Variants in PRKN observed in about 807,000 individuals in gnomAD.
PRKN encodes the protein parkin RBR E3 ubiquitin protein ligase.
A neutral mutation model predicts 59.5 loss-of-function variants in PRKN; 56 were observed. The observed-to-expected ratio is 0.94, with a 90% CI of 0.76 to 1.18. The LOEUF (loss-of-function observed/expected upper bound fraction) is 1.18, where lower values mean the gene tolerates loss of function less well. Among genes scored for constraint, PRKN ranks in the 50% most tolerant of loss-of-function variants. PRKN has a pLI of 0.00. For synonymous variants in PRKN, 250 were observed against 222.1 expected, an observed-to-expected ratio of 1.13 and a Z score of -1.12; for missense variants, 657 against 596.4, an observed-to-expected ratio of 1.10 and a Z score of -1.06.
intron 6 of PRKN, among the ~76,000 whole-genome samples, chr6:161,878,845 C>G (rs1794827358): frequency 6.6e-6 from 1 of 152,152 alleles, no homozygotes; most frequent in Non-Finnish European, 1.5e-5. Context: ...GATATGGATG[C>G]ATTTCTAATA....
chr6:162,271,016 GT>G (rs61368267), intron 2 of PRKN, among the ~76,000 whole-genome samples: 137 of 108,232 alleles, frequency 1.3e-3, no homozygotes, highest in Middle Eastern at 0.014. Context: ...TAATTTTCTA[GT>G]TTTTTTTTTT....
In PRKN at chr6:161,608,198, AT is replaced by A. The variant is rs528274840; in HGVS notation, c.872-38783del. Among the ~76,000 whole-genome samples the A allele has an allele frequency of 1.8e-4, 28 of 152,202 alleles. No homozygotes were observed. In the South Asian group the frequency reaches 5.8e-3, roughly 32 times the overall value. ...AAAATTGGGGAGAAAATGATATGTG[AT>A]TTTTCGTGATTATACTAAGAGATTT... On this transcript the variant is annotated intron_variant, in intron 7 of 11. Coordinates refer to ENST00000366898, the MANE Select transcript of PRKN (RefSeq NM_004562.3).
At chr6:162,403,244 C>T (rs1036496144) in intron 2 of PRKN, among the ~76,000 whole-genome samples, 1 of 152,090 alleles carries the variant, frequency 6.6e-6, no homozygotes, top group Non-Finnish European at 1.5e-5. Context: ...CTCACTCTGG[C>T]CTCCAGCCTC....
intron 1 of PRKN, among the ~76,000 whole-genome samples, chr6:162,483,098 A>C (rs929551616): frequency 1.3e-5 from 2 of 152,214 alleles, no homozygotes; most frequent in Non-Finnish European, 2.9e-5. Context: ...TATGCTACTC[A>C]AAGTGTAAAA....
In PRKN at chr6:162,301,788, G is replaced by A. The variant is rs58515500; in HGVS notation, c.172-39023C>T. Among the ~76,000 whole-genome samples the A allele has an allele frequency of 3.3e-4, 38 of 113,908 alleles. 3 individuals carry two copies. The highest frequency in any genetic ancestry group is 4.4e-4 in the Non-Finnish European group (24 of 54,200). 74.7% of individuals were successfully genotyped at this position (113,908 alleles called of 152,430 possible). On this transcript the variant is annotated intron_variant, in intron 2 of 11. Coordinates refer to ENST00000366898, the MANE Select transcript of PRKN (RefSeq NM_004562.3). ...AGCAAATAAATTGGCCGGGGCGGGGGGGGGGTGCAGAATTCACTTTCCCTG... is the reference window on the plus strand; with the variant it reads ...AGCAAATAAATTGGCCGGGGCGGGGAGGGGGTGCAGAATTCACTTTCCCTG...
At chr6:161,931,816 C>T (rs551770379) in intron 6 of PRKN, among the ~76,000 whole-genome samples, 17 of 152,244 alleles carry the variant, frequency 1.1e-4, no homozygotes, top group Admixed American at 7.2e-4. Flanking sequence ...AAGATTTTAA[C>T]TATGGTTATC....
intron 10 of PRKN, among the ~76,000 whole-genome samples, chr6:161,370,627 A>C (rs1785408394): frequency 6.7e-6 from 1 of 149,350 alleles, no homozygotes; most frequent in Non-Finnish European, 1.5e-5. Context: ...ATTAGCGCCT[A>C]GGAGACACAT....
intron 1 of PRKN, among the ~76,000 whole-genome samples, chr6:162,448,874 CCTCTCTCTCTCTCTCCCTTCCT>C (rs1790451259): frequency 7.2e-6 from 1 of 139,562 alleles, no homozygotes; most frequent in African/African-American, 2.7e-5. Context: ...TCTTTCTTTT[CCTCTCTCTCTCTCTCCCTTCCT>C]CTCTCTCTCT....
intron 1 of PRKN, among the ~76,000 whole-genome samples, chr6:162,543,613 A>G (rs2846466): frequency 0.44 from 66,586 of 151,948 alleles, 16,933 homozygotes; most frequent in Non-Finnish European, 0.58. Flanking sequence ...CTCCTTATTA[A>G]GTAGAGGAGG....
At chr6:162,310,662 T>G (rs996652219) in intron 2 of PRKN, among the ~76,000 whole-genome samples, 1 of 151,856 alleles carries the variant, frequency 6.6e-6, no homozygotes. Context: ...AGTTAATGGG[T>G]GCAGCACACC....
intron 6 of PRKN, among the ~76,000 whole-genome samples, chr6:161,904,545 G>C (rs540980495): frequency 6.6e-6 from 1 of 152,162 alleles, no homozygotes; most frequent in South Asian, 2.1e-4. Context: ...TCGATCTCCT[G>C]ACCTCATGAT....
chr6:162,457,585 A>C (rs1281315515), intron 1 of PRKN, among the ~76,000 whole-genome samples: 2 of 150,702 alleles, frequency 1.3e-5, no homozygotes, highest in African/African-American at 5.0e-5. Context: ...TAAAATCACA[A>C]TGAGGCTGAT....
At position 162,565,669 on chromosome 6, in the gene PRKN, G is replaced by A. The variant is rs572901840; in HGVS notation, c.8-122196C>T. Reference sequence around the variant, plus strand: ...CGTGCCATTGCACTCCAGCCTGGGTGACAAGAGTGAAACTCAGTCTCAAAA... The same window carrying A: ...CGTGCCATTGCACTCCAGCCTGGGTAACAAGAGTGAAACTCAGTCTCAAAA... On this transcript the variant is annotated intron_variant, in intron 1 of 11. Transcript: ENST00000366898. Among the ~76,000 whole-genome samples, 442 of 152,008 alleles carry A rather than the reference G, an allele frequency of 2.9e-3. 2 individuals are homozygous for A. The highest frequency in any genetic ancestry group is 0.01 in the African/African-American group (433 of 41,444).
chr6:161,793,167 A>T (rs1790706563), intron 6 of PRKN, among the ~76,000 whole-genome samples: 1 of 152,232 alleles, frequency 6.6e-6, no homozygotes, highest in Admixed American at 6.5e-5. Flanking sequence ...TTTAGAAATT[A>T]ACATAAGCTT....
rs1779766383 is a variant in PRKN, at chr6:161,545,531, A to G, written c.1083+3323T>C. The stretch of plus-strand genomic sequence containing the variant: ...TCTGAAATGACATAATCTAACCACA[A>G]TTTCTTCCAGACAATGGCTTTCCAT... On this transcript the variant is annotated intron_variant, in intron 9 of 11. Transcript: ENST00000366898. The surrounding 1 kb of genome is among the most constrained non-coding windows in gnomAD (Gnocchi z 4.1). 1.1e-6 allele frequency: 1 copy of G among 915,424 alleles called. No homozygotes were observed. Among genetic ancestry groups the G allele is most frequent in the Non-Finnish European group, 1.8e-6 (1 of 561,172 alleles). The allele number at this position is 915,424 out of a possible 1,614,324, so 56.7% of individuals were successfully genotyped here.
intron 2 of PRKN, among the ~76,000 whole-genome samples, chr6:162,421,553 T>C (rs1382063391): frequency 6.6e-6 from 1 of 152,220 alleles, no homozygotes; most frequent in Non-Finnish European, 1.5e-5. Context: ...AATGATACAA[T>C]ATGGCACCTT....
intron 3 of PRKN, among the ~76,000 whole-genome samples, chr6:162,222,148 CT>C (rs932822159): frequency 5.3e-5 from 8 of 152,132 alleles, no homozygotes; most frequent in African/African-American, 1.7e-4. Flanking sequence ...TTCCAGCCCC[CT>C]AATATACATG....
chr6:162,376,751 C>T lies in PRKN; in HGVS notation c.171+66559G>A, dbSNP rs376638140. On this transcript the variant is annotated intron_variant, in intron 2 of 11. Transcript: ENST00000366898. The stretch of plus-strand genomic sequence containing the variant: ...AGAGGGAGGGAGTGGGAGAGGGAGA[C>T]GGAGAGTGAGAGGGAAAGGGAGGGG... Among the ~76,000 whole-genome samples, 52 of 88,840 alleles carry T rather than the reference C, an allele frequency of 5.9e-4. 1 individual carries two copies. In the East Asian group the frequency reaches 0.02, roughly 33 times the overall value. 58.3% of individuals were successfully genotyped at this position (88,840 alleles called of 152,430 possible).
intron 7 of PRKN, among the ~76,000 whole-genome samples, chr6:161,697,838 T>A (rs1786084600): frequency 6.6e-6 from 1 of 152,232 alleles, no homozygotes; most frequent in Non-Finnish European, 1.5e-5. Flanking sequence ...AACAATTTTT[T>A]AAATGTCAGG....
Sources: allele counts gnomAD v4.1 joint callset (sites outside exome capture counted in the v4.1 genomes callset), GRCh38; gene constraint gnomAD v4.1.1; non-coding constraint Gnocchi (gnomAD v3.1); transcripts MANE v1.5; gene names NCBI Gene and HGNC (gene_info 2026-07-23, HGNC 2026-07-21).